Variants in DLG1 observed in about 807,000 individuals in gnomAD.
DLG1 encodes the protein discs large MAGUK scaffold protein 1, also known as disks large homolog 1.
A neutral mutation model predicts 123.4 loss-of-function variants in DLG1; 42 were observed. The ratio of observed to expected loss-of-function variants is 0.34; its 90% confidence interval spans 0.27 to 0.44. The LOEUF (loss-of-function observed/expected upper bound fraction) is 0.44. DLG1 is among the 20% of genes least tolerant of loss of function. The pLI is 1.00. For missense variants in DLG1, 942 were observed against 1,082.6 expected, an observed-to-expected ratio of 0.87 and a Z score of 1.82; for synonymous variants, 317 against 356.2, an observed-to-expected ratio of 0.89 and a Z score of 1.24.
intron 2 of DLG1, 145 bp downstream of exon 2, chr3:197,297,039 GAT>G (rs1358389290): frequency 4.9e-6 from 4 of 818,870 alleles, no homozygotes; most frequent in Non-Finnish European, 7.9e-6. Flanking sequence ...CTTCTGAAAT[GAT>G]ATGAGGCTTA....
At chr3:197,052,619 A>C (rs1478630651) in intron 23 of DLG1, among the ~76,000 whole-genome samples, 1 of 152,210 alleles carries the variant, frequency 6.6e-6, no homozygotes, top group African/African-American at 2.4e-5. Flanking sequence ...GATACTTTTG[A>C]CTTTGATGAA....
chr3:197,245,900 T>G (rs34771895), intron 4 of DLG1, among the ~76,000 whole-genome samples: 37,576 of 84,832 alleles, frequency 0.44, 8,123 homozygotes, highest in East Asian at 0.69. Context: ...TTTTTTTTTT[T>G]GGGGGGGGGG....
In DLG1 at chr3:197,051,576, C is replaced by T; in HGVS notation, c.2575+1G>A. 6.2e-7 allele frequency: 1 copy of T among 1,612,714 alleles called. No homozygotes were observed. The highest frequency in any genetic ancestry group is 8.5e-7 in the Non-Finnish European group (1 of 1,178,796). On this transcript the variant is annotated splice_donor_variant, in intron 24 of 24. Coordinates refer to ENST00000667157, the MANE Select transcript of DLG1 (RefSeq NM_001366207.1). LOFTEE classifies it high-confidence loss of function. The stretch of plus-strand genomic sequence containing the variant: ...GAGGACTGTTACAACACGGTTCCAA[C>T]CTGTGAAATGTTCAGTAAACTCCTG...
In DLG1 at chr3:197,152,419, CTT is replaced by C. The variant is rs768327685; in HGVS notation, c.484-2625_484-2624del. On this transcript the variant is annotated intron_variant, in intron 5 of 24. Coordinates refer to ENST00000667157, the MANE Select transcript of DLG1 (RefSeq NM_001366207.1). ...CTGTCTTGGTTAAGGATCCCAAAGT[CTT>C]TTTTTTTTTTTTTTTTTTTGAGATG... 1.4e-4 allele frequency among the ~76,000 whole-genome samples: 13 copies of C among 94,694 alleles called. No individual in the cohort carries two copies. The South Asian group carries it at 1.9e-3, about 14-fold the overall frequency. The allele number at this position is 94,694 out of a possible 152,430, so 62.1% of individuals were successfully genotyped here.
intron 11 of DLG1, among the ~76,000 whole-genome samples, chr3:197,123,855 T>C (rs950123753): frequency 6.6e-6 from 1 of 152,238 alleles, no homozygotes; most frequent in Admixed American, 6.5e-5. Context: ...TGTACACTTA[T>C]ACAATGGAAT....
intron 13 of DLG1, 59 bp downstream of exon 13, chr3:197,115,868 G>T (rs1382138190): frequency 1.6e-5 from 25 of 1,539,598 alleles, no homozygotes; most frequent in Non-Finnish European, 2.1e-5. Context: ...AGAAGACCTT[G>T]CTTTAAAAAT....
chr3:197,127,320 G>A (rs965966722), intron 11 of DLG1, among the ~76,000 whole-genome samples: 1 of 148,546 alleles, frequency 6.7e-6, no homozygotes, highest in South Asian at 2.1e-4. Context: ...CTACTAGGGG[G>A]GCTGAGGCAG....
chr3:197,225,080 C>G (rs1363946879), intron 4 of DLG1, among the ~76,000 whole-genome samples: 1 of 152,186 alleles, frequency 6.6e-6, no homozygotes, highest in African/African-American at 2.4e-5. Context: ...CCTCAGCCCC[C>G]CAAGTAGCTG....
chr3:197,240,801 T>C (rs1387147411), intron 4 of DLG1, among the ~76,000 whole-genome samples: 2 of 151,712 alleles, frequency 1.3e-5, no homozygotes, highest in East Asian at 3.9e-4. Context: ...GCTCTTGACA[T>C]AAGAGAGGAT....
rs1210960910 is a variant in DLG1, at chr3:197,090,917, A to G, written c.1656T>C (p.Tyr552=). 6.3e-7 allele frequency: 1 copy of G among 1,598,152 alleles called. No homozygotes were observed. Among genetic ancestry groups the G allele is most frequent in the Non-Finnish European group, 8.6e-7 (1 of 1,168,414 alleles). Residue 552 remains tyrosine (Y), a synonymous_variant, in exon 15 of 25, where the codon TAT becomes TAC. Transcript: ENST00000667157. ...SLRTSQKRSL[Y]VRALFDYDKT... ...TTAGAAGTAAAAAAATTTACCTGACATAGAGGGATCGCTTCTGGCTAGTTC... is the reference window on the plus strand; with the variant it reads ...TTAGAAGTAAAAAAATTTACCTGACGTAGAGGGATCGCTTCTGGCTAGTTC...
intron 24 of DLG1, among the ~76,000 whole-genome samples, chr3:197,048,316 C>T (rs1021670733): frequency 6.6e-6 from 1 of 152,088 alleles, no homozygotes; most frequent in Non-Finnish European, 1.5e-5. Context: ...ACTAAAAATA[C>T]AAAAATTAGC....
intron 9 of DLG1, 91 bp downstream of exon 9, chr3:197,138,131 G>A (rs1466508897): frequency 1.4e-6 from 1 of 698,654 alleles, no homozygotes; most frequent in Non-Finnish European, 2.1e-6. Context: ...TACTAATACT[G>A]TACTTGGAAT....
intron 4 of DLG1, among the ~76,000 whole-genome samples, chr3:197,270,052 C>T (rs1763284502): frequency 6.6e-6 from 1 of 152,086 alleles, no homozygotes; most frequent in African/African-American, 2.4e-5. Context: ...GTGTCACCTG[C>T]CTGTCCACTT....
At chr3:197,204,386 G>A (rs1578042266) in intron 4 of DLG1, among the ~76,000 whole-genome samples, 1 of 152,330 alleles carries the variant, frequency 6.6e-6, no homozygotes. Context: ...GCCACATCCA[G>A]ACAAACTGTT....
chr3:197,125,801 A>T (rs1307898439), intron 11 of DLG1, among the ~76,000 whole-genome samples: 1 of 152,204 alleles, frequency 6.6e-6, no homozygotes, highest in East Asian at 1.9e-4. Context: ...CAGCATGAGT[A>T]ACAGTGGCAA....
chr3:197,215,956 T>C (rs1733920739), intron 4 of DLG1, among the ~76,000 whole-genome samples: 1 of 152,164 alleles, frequency 6.6e-6, no homozygotes, highest in Admixed American at 6.5e-5. Context: ...CAATATTGAA[T>C]AAAGGCAAAT....
chr3:197,245,011 T>A (rs1234464034), intron 4 of DLG1, among the ~76,000 whole-genome samples: 1 of 152,180 alleles, frequency 6.6e-6, no homozygotes, highest in Non-Finnish European at 1.5e-5. Context: ...ATAAGCCAAC[T>A]TCTTTCTGAG....
chr3:197,286,165 A>G (rs192435762), intron 3 of DLG1, among the ~76,000 whole-genome samples: 140 of 152,372 alleles, frequency 9.2e-4, no homozygotes, highest in Non-Finnish European at 1.6e-3. Flanking sequence ...TGGAAAAGGC[A>G]AAACTATGGA....
rs185426944 is a variant in DLG1 at position 197,068,397 on chromosome 3, T to C, written c.2047+822A>G. ...CATTTCCACACCAAAAAAAAAATCA[T>C]TAAGTAACTATTGTGTAGAAAAATA... On this transcript the variant is annotated intron_variant, in intron 19 of 24. Transcript: ENST00000667157. The C allele has an allele frequency of 2.4e-3, 1,804 of 763,896 alleles. 15 individuals are homozygous for C. The highest frequency in any genetic ancestry group is 0.012 in the South Asian group (697 of 58,720). The allele number at this position is 763,896 out of a possible 1,614,324, so 47.3% of individuals were successfully genotyped here.
Sources: gnomAD v4.1 joint callset for allele counts (sites outside exome capture counted in the v4.1 genomes callset) on GRCh38, gnomAD v4.1.1 for gene constraint, MANE v1.5 for transcripts, NCBI Gene and HGNC (gene_info 2026-07-23, HGNC 2026-07-21) for gene names.